The following FRMD4A variants were observed in gnomAD, a reference collection of about 807,000 sequenced individuals.
FRMD4A encodes FERM domain containing 4A, also known as FERM domain-containing protein 4A.
In FRMD4A, 29 loss-of-function variants were observed where a neutral mutation model predicts 129.1. The ratio of observed to expected loss-of-function variants is 0.22; its 90% confidence interval spans 0.17 to 0.31. The LOEUF is 0.31. Ranked by LOEUF, FRMD4A falls within the 10% of genes least tolerant of loss-of-function variation. The probability of loss-of-function intolerance (pLI) is 1.00; values close to 1 mark genes in which losing one functional copy is unlikely to be tolerated. For missense variants in FRMD4A, 1,272 were observed against 1,375.8 expected, an observed-to-expected ratio of 0.92 and a Z score of 1.19; for synonymous variants, 634 against 571.6, an observed-to-expected ratio of 1.11 and a Z score of -1.56.
At chr10:13,789,545 G>A (rs1473383657) in intron 5 of FRMD4A, among the ~76,000 whole-genome samples, 1 of 140,836 alleles carries the variant, frequency 7.1e-6, no homozygotes, top group Non-Finnish European at 1.5e-5. Context: ...ACAAAGTTGT[G>A]CCTATGAAAA....
At chr10:14,003,182 G>A (rs778793542) in intron 2 of FRMD4A, among the ~76,000 whole-genome samples, 8 of 152,182 alleles carry the variant, frequency 5.3e-5, no homozygotes, top group Non-Finnish European at 1.0e-4. Context: ...GTGGCGGGCT[G>A]CACCACGGAA....
At chr10:14,007,396 A>T (rs1335093618) in intron 2 of FRMD4A, 1 of 152,290 alleles carries the variant, frequency 6.6e-6, no homozygotes, top group Non-Finnish European at 1.5e-5. Flanking sequence ...CCAAAAATGC[A>T]TCTGTTACTC....
intron 2 of FRMD4A, among the ~76,000 whole-genome samples, chr10:13,914,711 CA>C (rs1313154235): frequency 6.6e-6 from 1 of 152,050 alleles, no homozygotes; most frequent in African/African-American, 2.4e-5. Context: ...ATTAAAAAAA[CA>C]AAACCCATAC....
At chr10:14,319,349 C>CCTCTCTCTCTCTCTCTCTCTCT (rs10645584) in intron 2 of FRMD4A, among the ~76,000 whole-genome samples, 1,392 of 137,294 alleles carry the variant, frequency 0.01, 26 homozygotes, top group Admixed American at 0.013. Flanking sequence ...ATCTCTCTCT[C>CCTCTCTCTCTCTCTCTCTCTCT]CTCTCTCTCT....
At chr10:13,774,961 AC>A (rs1256980521) in intron 6 of FRMD4A, among the ~76,000 whole-genome samples, 2 of 150,392 alleles carry the variant, frequency 1.3e-5, no homozygotes, top group African/African-American at 4.9e-5. Flanking sequence ...AAAAAAAAAA[AC>A]AACAAAAAAC....
intron 2 of FRMD4A, among the ~76,000 whole-genome samples, chr10:14,001,504 G>A (rs2095642751): frequency 6.6e-6 from 1 of 152,150 alleles, no homozygotes; most frequent in African/African-American, 2.4e-5. Context: ...CTCTGGAGTG[G>A]TACCCATAGA....
chr10:13,908,158 T>A (rs1589237298), intron 2 of FRMD4A, among the ~76,000 whole-genome samples: 1 of 58,874 alleles, frequency 1.7e-5, no homozygotes, highest in Non-Finnish European at 3.1e-5. Context: ...AGACGGAAAC[T>A]CCATCTAAAA....
intron 2 of FRMD4A, among the ~76,000 whole-genome samples, chr10:14,270,831 C>A (rs1845139532): frequency 6.6e-6 from 1 of 152,142 alleles, no homozygotes; most frequent in Admixed American, 6.5e-5. Context: ...AAGTAAAGAC[C>A]AAATCACTCC....
intron 2 of FRMD4A, among the ~76,000 whole-genome samples, chr10:14,225,988 C>G (rs1843421890): frequency 6.6e-6 from 1 of 152,140 alleles, no homozygotes; most frequent in South Asian, 2.1e-4. Context: ...CTTGCTAGTT[C>G]CTACAAGTAA....
At chr10:14,005,184 G>A (rs1179710249) in intron 2 of FRMD4A, among the ~76,000 whole-genome samples, 1 of 151,980 alleles carries the variant, frequency 6.6e-6, no homozygotes, top group Non-Finnish European at 1.5e-5. Flanking sequence ...CACCACGCCT[G>A]GCTAATTTTT....
At chr10:14,213,913 C>T (rs1564391777) in intron 2 of FRMD4A, among the ~76,000 whole-genome samples, 3 of 152,202 alleles carry the variant, frequency 2.0e-5, no homozygotes, top group African/African-American at 2.4e-5. Context: ...ACTTGGGTTT[C>T]GTTCTCTCTT....
At chr10:13,865,612 A>C (rs1281839547) in intron 2 of FRMD4A, among the ~76,000 whole-genome samples, 1 of 150,792 alleles carries the variant, frequency 6.6e-6, no homozygotes, top group Non-Finnish European at 1.5e-5. Context: ...CACCATGCCC[A>C]GCTAACTGTG....
At position 13,693,916 on chromosome 10, in the gene FRMD4A, C is replaced by T. The variant is rs1275579050; in HGVS notation, c.1099G>A (p.Gly367Ser). ...SKGKIISGSS[G>S]SLLSSGSQES... ...TGCCTACCTGAAGACAGCAGGCTGC[C>T]GCTGCTGCCGCTGATGATCTTCCCC... The change falls in exon 15 of 25, where the codon GGC becomes AGC. Residue 367 changes from glycine (G) to serine (S), a missense_variant. Around this residue, in one of 2 missense-constraint regions of FRMD4A, gnomAD observed 300 missense variants for 483.6 expected, o/e 0.62. Transcript: ENST00000357447. The T allele has an allele frequency of 1.4e-5, 22 of 1,607,300 alleles. No homozygotes were observed. The highest frequency in any genetic ancestry group is 3.4e-5 in the Admixed American group (2 of 58,260).
At chr10:13,711,398 G>A (rs1016377627) in intron 12 of FRMD4A, among the ~76,000 whole-genome samples, 2 of 152,208 alleles carry the variant, frequency 1.3e-5, no homozygotes, top group African/African-American at 2.4e-5. Flanking sequence ...AGCTGGTTTC[G>A]GGGCAGCCCC....
chr10:14,009,797 T>A (rs1565181056), intron 2 of FRMD4A, among the ~76,000 whole-genome samples: 1 of 91,118 alleles, frequency 1.1e-5, no homozygotes, highest in Admixed American at 1.0e-4. Flanking sequence ...GGAGAGTCAG[T>A]GAGAGGGTGA....
intron 2 of FRMD4A, among the ~76,000 whole-genome samples, chr10:13,948,799 G>GC (rs2095351670): frequency 6.6e-6 from 1 of 151,512 alleles, no homozygotes; most frequent in Non-Finnish European, 1.5e-5. Flanking sequence ...CTACAGGTGC[G>GC]CACCATCATA....
rs771267955 is a variant in FRMD4A, at chr10:13,644,804, A to G, written c.*2234T>C. The stretch of plus-strand genomic sequence containing the variant: ...TTCTGAATGGGGAAGGGAGAAAAAA[A>G]AAAAATCACTGTTCTTTGTAGCTCT... On this transcript the variant is annotated 3_prime_UTR_variant, in exon 25 of 25. Coordinates refer to ENST00000357447, the MANE Select transcript of FRMD4A (RefSeq NM_018027.5). 9 of 152,234 alleles carry G rather than the reference A, an allele frequency of 5.9e-5. No homozygotes were observed. Among genetic ancestry groups the G allele is most frequent in the Non-Finnish European group, 4.4e-5 (3 of 68,036 alleles). 9.4% of individuals were successfully genotyped at this position (152,234 alleles called of 1,614,324 possible).
At chr10:14,269,623 C>T (rs1845092934) in intron 2 of FRMD4A, among the ~76,000 whole-genome samples, 1 of 152,090 alleles carries the variant, frequency 6.6e-6, no homozygotes, top group South Asian at 2.1e-4. Flanking sequence ...GGATGCCATG[C>T]AATTAAGGGA....
At position 13,657,062 on chromosome 10, in the gene FRMD4A, C is replaced by T. The variant is rs756659488; in HGVS notation, c.2527G>A (p.Gly843Ser). 2 of 1,574,974 alleles carry T rather than the reference C, an allele frequency of 1.3e-6. No individual in the cohort carries two copies. The highest frequency in any genetic ancestry group is 1.1e-5 in the South Asian group (1 of 88,646). The change falls in exon 22 of 25, where the codon GGC becomes AGC. Residue 843 changes from glycine to serine, a missense_variant. Physicochemically the swap from Gly to Ser is moderately conservative, Grantham distance 56. Coordinates refer to ENST00000357447, the MANE Select transcript of FRMD4A (RefSeq NM_018027.5). ...RIKEYPLYIE[G>S]GATPVVVRSL... The stretch of plus-strand genomic sequence containing the variant: ...CGCACCACCACGGGCGTGGCGCCGC[C>T]CTCGATGTACAGCGGGTACTCCTTG...
Sources: gnomAD v4.1 joint callset for allele counts (sites outside exome capture counted in the v4.1 genomes callset) on GRCh38, gnomAD v4.1.1 for gene constraint, gnomAD v4.1.1 regional missense constraint, MANE v1.5 for transcripts, NCBI Gene and HGNC (gene_info 2026-07-23, HGNC 2026-07-21) for gene names.